Variants in PHLDB1 observed in about 807,000 individuals in gnomAD.
PHLDB1 encodes the protein pleckstrin homology like domain family B member 1.
In PHLDB1, 65 loss-of-function variants were observed where a neutral mutation model predicts 139.3. The ratio of observed to expected loss-of-function variants is 0.47; its 90% CI spans 0.38 to 0.57. The LOEUF is 0.57. PHLDB1 is among the 20% of genes least tolerant of loss of function. The pLI is 0.00. For synonymous variants in PHLDB1, 679 were observed against 734.5 expected (o/e 0.92, Z 1.22); for missense variants, 1,624 against 1,839.7 (o/e 0.88, Z 2.14).
chr11:118,629,819 C>G (rs1944475932), intron 6 of PHLDB1, among the ~76,000 whole-genome samples: 1 of 151,998 alleles, frequency 6.6e-6, no homozygotes, highest in African/African-American at 2.4e-5. Context: ...GCAGGCACAG[C>G]CTCCCCCAAC....
At position 118,639,227 on chromosome 11, in the gene PHLDB1, G is replaced by A. The variant is rs782390862; in HGVS notation, c.2712G>A (p.Pro904=). Residue 904 remains proline, a synonymous_variant, in exon 12 of 23, where the codon CCG becomes CCA. Coordinates refer to ENST00000600882, the MANE Select transcript of PHLDB1 (RefSeq NM_001144758.3). ...CACTCACAGGGGGCAGGCCTTTCCCGAAGACCACATCGACCCTCAAAGAGG... is the reference window on the plus strand; with the variant it reads ...CACTCACAGGGGGCAGGCCTTTCCCAAAGACCACATCGACCCTCAAAGAGG... ...YHSLTGGRPF[P]KTTSTLKEME... is the part of the protein sequence containing the mutation. The A allele has an allele frequency of 5.0e-6, 8 of 1,613,914 alleles. No homozygotes were observed. Among genetic ancestry groups the A allele is most frequent in the Non-Finnish European group, 5.1e-6 (6 of 1,179,778 alleles).
At chr11:118,606,458 G>GAC (rs1939308595), upstream of PHLDB1, 1 of 152,242 alleles carries the variant, frequency 6.6e-6, no homozygotes, top group East Asian at 1.9e-4. Context: ...CATTGAATTA[G>GAC]AACAGCACTT....
chr11:118,648,507 C>T (rs992621717), intron 18 of PHLDB1, among the ~76,000 whole-genome samples: 2 of 152,054 alleles, frequency 1.3e-5, no homozygotes, highest in Non-Finnish European at 2.9e-5. Context: ...TGCACCTTCC[C>T]GTCTGCTTCC....
Position 118,631,923 on chromosome 11 carries a change from C to T in PHLDB1, c.2111C>T (p.Ala704Val), listed in dbSNP as rs540958384. The T allele has an allele frequency of 6.2e-7, 1 of 1,610,846 alleles. No individual in the cohort carries two copies. Among genetic ancestry groups the T allele is most frequent in the Non-Finnish European group, 8.5e-7 (1 of 1,178,756 alleles). The change falls in exon 8 of 23, where the codon GCA becomes GTA. Residue 704 changes from alanine to valine, a missense_variant. Coordinates refer to ENST00000600882, the MANE Select transcript of PHLDB1 (RefSeq NM_001144758.3). ...TESTQQEHED[A>V]PSTKLQGEVL... ...TTCCCTCCCCTCCAGCACGAAGATG[C>T]ACCTAGCACCAAGCTCCAGGGAGAG... is the stretch of plus-strand genomic sequence containing the variant.
chr11:118,630,156 G>GTCTCTC, intron 6 of PHLDB1: 1 of 909,994 alleles, frequency 1.1e-6, no homozygotes, highest in Non-Finnish European at 1.6e-6. Flanking sequence ...AACTGTAAGT[G>GTCTCTC]ATGAGAGACA....
intron 4 of PHLDB1, among the ~76,000 whole-genome samples, chr11:118,618,340 C>G (rs1040366051): frequency 1.3e-5 from 2 of 152,124 alleles, no homozygotes; most frequent in Admixed American, 1.3e-4. Flanking sequence ...GCTCCAGGAG[C>G]TGAGGGTTTC....
At position 118,650,238 on chromosome 11, in the gene PHLDB1, C is replaced by A; in HGVS notation, c.3771+45C>A. On this transcript the variant is annotated intron_variant, in intron 19 of 22. Transcript: ENST00000600882. This position sits in a 1 kb window ranked among gnomAD's most constrained non-coding sequence, Gnocchi z 4.7. ...CTGGGGTGCTGGGGAGAGGGAGAATCCCGTGGTGAGAGGCACCTCCTGGGT... is the reference window on the plus strand; with the variant it reads ...CTGGGGTGCTGGGGAGAGGGAGAATACCGTGGTGAGAGGCACCTCCTGGGT... 1 of 1,452,036 alleles carries A rather than the reference C, an allele frequency of 6.9e-7. No individual in the cohort carries two copies. The highest frequency in any genetic ancestry group is 9.7e-7 in the Non-Finnish European group (1 of 1,032,482). The allele number at this position is 1,452,036 out of a possible 1,614,324, so 89.9% of individuals were successfully genotyped here.
intron 12 of PHLDB1, chr11:118,641,688 T>A: frequency 1.6e-6 from 2 of 1,289,522 alleles, no homozygotes; most frequent in Non-Finnish European, 2.0e-6. Flanking sequence ...CAGGCCTTTC[T>A]CCCTGGGCCT....
intron 9 of PHLDB1, chr11:118,635,162 G>T (rs1945434528): frequency 1.7e-6 from 1 of 589,016 alleles, no homozygotes; most frequent in Non-Finnish European, 3.1e-6. Context: ...CCGGACACCA[G>T]GGTCGGTGCT....
intron 15 of PHLDB1, chr11:118,644,410 G>A (rs540868569): frequency 5.4e-6 from 3 of 550,492 alleles, no homozygotes; most frequent in South Asian, 2.1e-5. Flanking sequence ...AGAGAGCCTA[G>A]CCAATAAGGG....
chr11:118,632,652 C>G lies in PHLDB1; in HGVS notation c.2379+356C>G, dbSNP rs1944983828. The G allele has an allele frequency of 4.2e-6, 1 of 239,848 alleles. No individual in the cohort carries two copies. Among genetic ancestry groups the G allele is most frequent in the Admixed American group, 5.0e-5 (1 of 19,954 alleles). 14.9% of individuals were successfully genotyped at this position (239,848 alleles called of 1,614,324 possible). On this transcript the variant is annotated intron_variant, in intron 9 of 22. Coordinates refer to ENST00000600882, the MANE Select transcript of PHLDB1 (RefSeq NM_001144758.3). This position sits in a 1 kb window ranked among gnomAD's most constrained non-coding sequence, Gnocchi z 5.9. ...ATTGGGGAGTGATTCAAGTTCGGGT[C>G]CCACCATCTGGAGAACATCTCCCTC... is the stretch of plus-strand genomic sequence containing the variant.
chr11:118,613,442 C>T (rs1267439346), intron 1 of PHLDB1: 2 of 993,966 alleles, frequency 2.0e-6, no homozygotes, highest in African/African-American at 3.5e-5. Context: ...TGCTGCTTCT[C>T]CCACTAAGGT....
At position 118,608,313 on chromosome 11, in the gene PHLDB1, G is replaced by A. The variant is rs368353870; in HGVS notation, c.-22+614G>A. On this transcript the variant is annotated intron_variant, in intron 1 of 22. Transcript: ENST00000600882. The surrounding 1 kb of genome is among the most constrained non-coding windows in gnomAD (Gnocchi z 6.7). ...TCCCCAAGGCCCCACGTCCTCGGGG[G>A]CCGGGGAGGCCGCCTGGGGCGCCTT... 1.2e-4 allele frequency among the ~76,000 whole-genome samples: 19 copies of A among 152,122 alleles called. No individual in the cohort carries two copies. Among genetic ancestry groups the A allele is most frequent in the Admixed American group, 2.0e-4 (3 of 15,284 alleles).
chr11:118,612,660 G>A (rs527953650), intron 1 of PHLDB1, among the ~76,000 whole-genome samples: 27 of 152,184 alleles, frequency 1.8e-4, no homozygotes, highest in Non-Finnish European at 3.8e-4. Context: ...GGTGGAAGCT[G>A]GGAGGGTAAA....
At position 118,645,159 on chromosome 11, in the gene PHLDB1, G is replaced by C; in HGVS notation, c.3122-197G>C. The C allele has an allele frequency of 2.0e-6, 1 of 502,860 alleles. No individual in the cohort carries two copies. The allele number at this position is 502,860 out of a possible 1,614,324, so 31.1% of individuals were successfully genotyped here. On this transcript the variant is annotated intron_variant, in intron 15 of 22. Coordinates refer to ENST00000600882, the MANE Select transcript of PHLDB1 (RefSeq NM_001144758.3). This position sits in a 1 kb window ranked among gnomAD's most constrained non-coding sequence, Gnocchi z 5.1. ...GAAGCCAGACTGTGCATCTGTGGCC[G>C]GTTGTGCAGGCGACTGAAGCATTGG...
Position 118,627,382 on chromosome 11 carries a change from A to C in PHLDB1, c.559A>C (p.Ser187Arg). The change falls in exon 6 of 23, where the codon AGT becomes CGT. Residue 187 changes from serine to arginine, a missense_variant. Ser to Arg is a moderately radical substitution (Grantham distance 110). Transcript: ENST00000600882. ...GGGACCCTCTGCCTGTGCCAGCCAC[A>C]GTTCCCTGGTGAGCTCTATTGAGAA... ...TRGPSACASH[S>R]SLVSSIEKDL... 1 of 1,614,114 alleles carries C rather than the reference A, an allele frequency of 6.2e-7. No individual in the cohort carries two copies. The highest frequency in any genetic ancestry group is 8.5e-7 in the Non-Finnish European group (1 of 1,179,960).
Position 118,632,037 on chromosome 11 carries a change from A to T in PHLDB1, c.2225A>T (p.Gln742Leu), listed in dbSNP as rs782451920. ...VRVKELEQQL[Q>L]ESAREAEMER... ...GTGAAGGAGCTAGAGCAGCAGCTGC[A>T]GGAGTCAGCCCGAGAGGTGAGCCGT... Residue 742 changes from glutamine (Q) to leucine (L), a missense_variant, in exon 8 of 23, where the codon CAG (glutamine) becomes CTG (leucine). Physicochemically the swap from Gln to Leu is moderately radical, Grantham distance 113 (BLOSUM62 -2). Coordinates refer to ENST00000600882, the MANE Select transcript of PHLDB1 (RefSeq NM_001144758.3). The surrounding 1 kb of genome is among the most constrained non-coding windows in gnomAD (Gnocchi z 5.9). 1.9e-6 allele frequency: 3 copies of T among 1,614,066 alleles called. No individual in the cohort carries two copies. The South Asian group carries it at 3.3e-5, about 18-fold the overall frequency.
intron 22 of PHLDB1, 103 bp from the exon 23 acceptor site, chr11:118,656,580 C>G (rs1172587287): frequency 8.6e-7 from 1 of 1,158,158 alleles, no homozygotes; most frequent in African/African-American, 1.5e-5. Flanking sequence ...AGCTCCAGGG[C>G]TTTCTAGGGG....
rs983943622 is a variant in PHLDB1 at position 118,608,897 on chromosome 11, A to G, written c.-22+1198A>G. 6.7e-6 allele frequency among the ~76,000 whole-genome samples: 1 copy of G among 150,044 alleles called. No homozygotes were observed. Among genetic ancestry groups the G allele is most frequent in the African/African-American group, 2.5e-5 (1 of 40,590 alleles). ...CCCAGCTCACACATGCACCCCAGTCACACAGCCTACCTCACACACGCACCC... is the reference window on the plus strand; with the variant it reads ...CCCAGCTCACACATGCACCCCAGTCGCACAGCCTACCTCACACACGCACCC... On this transcript the variant is annotated intron_variant, in intron 1 of 22. Coordinates refer to ENST00000600882, the MANE Select transcript of PHLDB1 (RefSeq NM_001144758.3). The surrounding 1 kb of genome is among the most constrained non-coding windows in gnomAD (Gnocchi z 6.7).
Sources: gnomAD v4.1 joint callset for allele counts (sites outside exome capture counted in the v4.1 genomes callset) on GRCh38, gnomAD v4.1.1 for gene constraint, Gnocchi (gnomAD v3.1) non-coding constraint, MANE v1.5 for transcripts, NCBI Gene and HGNC (gene_info 2026-07-23, HGNC 2026-07-21) for gene names.